PRKCH: variants seen among roughly 807,000 people sequenced by gnomAD.
PRKCH encodes protein kinase C eta.
PRKCH carries 28 observed loss-of-function variants against 82.5 expected under a neutral mutation model. The observed-to-expected ratio is 0.34, with a 90% CI of 0.25 to 0.47. The LOEUF (loss-of-function observed/expected upper bound fraction) is 0.47. PRKCH is among the 20% of genes least tolerant of loss of function. PRKCH has a pLI of 1.00. For synonymous variants in PRKCH, 322 were observed against 327.4 expected, an observed-to-expected ratio of 0.98 and a Z score of 0.18; for missense variants, 705 against 881.8, an observed-to-expected ratio of 0.80 and a Z score of 2.54.
At chr14:61,269,016 T>C (rs1261482062) in intron 1 of PRKCH, among the ~76,000 whole-genome samples, 1 of 152,226 alleles carries the variant, frequency 6.6e-6, no homozygotes, top group Non-Finnish European at 1.5e-5. Flanking sequence ...ATATTCTTCC[T>C]ATTTGGCAAA....
chr14:61,502,012 C>T (rs1468939204), intron 10 of PRKCH, among the ~76,000 whole-genome samples: 1 of 150,994 alleles, frequency 6.6e-6, no homozygotes, highest in Non-Finnish European at 1.5e-5. Context: ...AAATCTAAAT[C>T]CTTAAAGAAA....
intron 9 of PRKCH, among the ~76,000 whole-genome samples, chr14:61,468,600 C>T (rs1885364248): frequency 6.6e-6 from 1 of 152,168 alleles, no homozygotes; most frequent in Admixed American, 6.5e-5. Context: ...GAAGTTCAAG[C>T]TGTGTCTTTG....
At chr14:61,535,674 CTT>C (rs1248365053) in intron 12 of PRKCH, among the ~76,000 whole-genome samples, 4 of 152,228 alleles carry the variant, frequency 2.6e-5, no homozygotes, top group Non-Finnish European at 5.9e-5. Flanking sequence ...CAACGTAAGT[CTT>C]TGAAGAATTC....
chr14:61,199,631 A>G (rs117236580), intron 1 of PRKCH, among the ~76,000 whole-genome samples: 1 of 131,166 alleles, frequency 7.6e-6, no homozygotes, highest in Non-Finnish European at 1.7e-5. Flanking sequence ...TTTTTTTTTT[A>G]CATTTATGAG....
chr14:61,397,425 G>A (rs1047576615), intron 2 of PRKCH, among the ~76,000 whole-genome samples: 1 of 152,226 alleles, frequency 6.6e-6, no homozygotes, highest in African/African-American at 2.4e-5. Flanking sequence ...GGCCTGAGAT[G>A]TAGCTCCAGG....
chr14:61,483,561 C>T (rs956049047), intron 9 of PRKCH, among the ~76,000 whole-genome samples: 25 of 151,600 alleles, frequency 1.6e-4, no homozygotes, highest in African/African-American at 5.8e-4. Flanking sequence ...TTTTTTTCTT[C>T]TAATTAAGGC....
chr14:61,482,867 G>T (rs1232066083), intron 9 of PRKCH, among the ~76,000 whole-genome samples: 2 of 152,200 alleles, frequency 1.3e-5, no homozygotes, highest in East Asian at 3.8e-4. Flanking sequence ...CTGGAATTTA[G>T]CCCACAGTCT....
At chr14:61,491,101 C>CT (rs1886433901) in intron 10 of PRKCH, among the ~76,000 whole-genome samples, 1 of 152,158 alleles carries the variant, frequency 6.6e-6, no homozygotes, top group Admixed American at 6.5e-5. Context: ...TATCAGCAGA[C>CT]TTTGAGTCCC....
intron 6 of PRKCH, among the ~76,000 whole-genome samples, chr14:61,451,484 A>T (rs1020215926): frequency 9.2e-5 from 14 of 152,204 alleles, no homozygotes; most frequent in African/African-American, 3.1e-4. Flanking sequence ...GCATAAAAAG[A>T]GCTGCCCTGG....
intron 10 of PRKCH, among the ~76,000 whole-genome samples, chr14:61,516,276 C>G (rs1369472563): frequency 6.6e-6 from 1 of 152,092 alleles, no homozygotes; most frequent in African/African-American, 2.4e-5. Flanking sequence ...ACTATTGGGT[C>G]AAGATTAGTC....
chr14:61,320,952 A>C (rs936671314), upstream of PRKCH, among the ~76,000 whole-genome samples: 15 of 152,184 alleles, frequency 9.9e-5, no homozygotes, highest in African/African-American at 3.6e-4. Flanking sequence ...CTGTCTCCAG[A>C]AGAACCGACC....
chr14:61,229,273 A>G (rs1234325266), intron 1 of PRKCH, among the ~76,000 whole-genome samples: 1 of 152,180 alleles, frequency 6.6e-6, no homozygotes, highest in Non-Finnish European at 1.5e-5. Context: ...TTTAAGATTC[A>G]TTGAGGGTTG....
At chr14:61,352,726 G>GA (rs1363542175) in intron 1 of PRKCH, among the ~76,000 whole-genome samples, 2 of 151,376 alleles carry the variant, frequency 1.3e-5, no homozygotes, top group East Asian at 1.9e-4. Context: ...AAGAAAGAAA[G>GA]AAAGAAAGAA....
At chr14:61,319,137 A>T (rs2140114116), upstream of PRKCH, among the ~76,000 whole-genome samples, 2 of 152,108 alleles carry the variant, frequency 1.3e-5, no homozygotes, top group South Asian at 4.2e-4. Context: ...TTGCAAGCTC[A>T]TTTCAGCCAC....
intron 1 of PRKCH, among the ~76,000 whole-genome samples, chr14:61,224,799 C>T (rs2044684071): frequency 6.6e-6 from 1 of 152,150 alleles, no homozygotes; most frequent in Non-Finnish European, 1.5e-5. Flanking sequence ...TTTCATGTTC[C>T]ACTCTTTGGA....
At chr14:61,330,545 A>T (rs529898501) in intron 1 of PRKCH, among the ~76,000 whole-genome samples, 1 of 152,240 alleles carries the variant, frequency 6.6e-6, no homozygotes, top group Non-Finnish European at 1.5e-5. Context: ...TAAAATAATC[A>T]TAGATGTTGA....
chr14:61,418,247 G>T (rs1311015566), intron 2 of PRKCH, among the ~76,000 whole-genome samples: 2 of 152,172 alleles, frequency 1.3e-5, no homozygotes, highest in African/African-American at 4.8e-5. Flanking sequence ...CTGACAGGTC[G>T]AGCTCATTCA....
At chr14:61,231,523 T>C (rs1157028988) in intron 1 of PRKCH, among the ~76,000 whole-genome samples, 3 of 151,930 alleles carry the variant, frequency 2.0e-5, no homozygotes, top group Admixed American at 6.6e-5. Flanking sequence ...CCACCACGCC[T>C]GGCTAATTTT....
intron 1 of PRKCH, among the ~76,000 whole-genome samples, chr14:61,236,727 A>AAAAAAG (rs2044792643): frequency 8.5e-6 from 1 of 118,284 alleles, no homozygotes. Context: ...AAAAAAAAAA[A>AAAAAAG]AAAAGAAAAG....
Sources: gnomAD v4.1 joint callset for allele counts (sites outside exome capture counted in the v4.1 genomes callset) on GRCh38, gnomAD v4.1.1 for gene constraint, MANE v1.5 for transcripts, NCBI Gene and HGNC (gene_info 2026-07-23, HGNC 2026-07-21) for gene names.